The following DDX52 variants were observed in gnomAD, a reference collection of about 807,000 sequenced individuals.
DDX52 encodes the protein probable ATP-dependent RNA helicase DDX52.
In DDX52, 59 loss-of-function variants were observed where a neutral mutation model predicts 76.1. That is an observed-to-expected ratio of 0.78 (90% confidence interval 0.63 to 0.96). DDX52 has a LOEUF of 0.96. DDX52 is among the 40% of genes least tolerant of loss of function. The pLI, the probability that DDX52 is intolerant of heterozygous loss-of-function variation, is 0.00. For missense variants in DDX52, 707 were observed against 703.9 expected (o/e 1.00, Z -0.05); for synonymous variants, 231 against 244.1 (o/e 0.95, Z 0.50).
intron 2 of DDX52, among the ~76,000 whole-genome samples, chr17:37,635,292 A>G (rs2030874681): frequency 6.6e-6 from 1 of 152,196 alleles, no homozygotes; most frequent in South Asian, 2.1e-4. Context: ...GTTTTGACAT[A>G]TCTACACACC....
intron 2 of DDX52, among the ~76,000 whole-genome samples, chr17:37,639,025 G>A (rs1043768509): frequency 4.0e-5 from 6 of 151,874 alleles, no homozygotes; most frequent in Admixed American, 3.9e-4. Context: ...GCCCGCCTCC[G>A]CCTCCCAAAG....
chr17:37,618,346 C>T lies in DDX52; in HGVS notation c.1688G>A (p.Arg563Lys), dbSNP rs1466590281. ...TTTTGGAGTTGTACTAATGCTCTCCCTTTCCAATGGTTTCTTAATCATCTT... is the reference window on the plus strand; with the variant it reads ...TTTTGGAGTTGTACTAATGCTCTCCTTTTCCAATGGTTTCTTAATCATCTT... ...KKKMIKKPLE[R>K]ESISTTPKCF... The change falls in exon 14 of 15, where the codon AGG (arginine) becomes AAG (lysine). Residue 563 changes from arginine to lysine, a missense_variant. Arg to Lys is a conservative substitution (Grantham distance 26). Coordinates refer to ENST00000617633, the MANE Select transcript of DDX52 (RefSeq NM_007010.5). 6.3e-7 allele frequency: 1 copy of T among 1,593,198 alleles called. No individual in the cohort carries two copies. Among genetic ancestry groups the T allele is most frequent in the Admixed American group, 1.8e-5 (1 of 54,948 alleles).
intron 2 of DDX52, among the ~76,000 whole-genome samples, chr17:37,636,182 C>A (rs560319148): frequency 6.6e-6 from 1 of 152,102 alleles, no homozygotes; most frequent in Non-Finnish European, 1.5e-5. Flanking sequence ...TATCTCAAGG[C>A]CACAAAGATT....
intron 4 of DDX52, 75 bp downstream of exon 4, chr17:37,632,038 C>G: frequency 6.3e-7 from 1 of 1,595,466 alleles, no homozygotes; most frequent in Non-Finnish European, 8.6e-7. Flanking sequence ...AGAAAGAGTT[C>G]AAGAAGAGAG....
intron 2 of DDX52, among the ~76,000 whole-genome samples, chr17:37,636,815 G>GA (rs1383105797): frequency 6.6e-6 from 1 of 152,128 alleles, no homozygotes; most frequent in African/African-American, 2.4e-5. Flanking sequence ...AATTTATAAG[G>GA]AAAAAATTCA....
intron 12 of DDX52, 85 bp from the exon 13 acceptor site, chr17:37,619,924 G>A: frequency 7.6e-7 from 1 of 1,315,356 alleles, no homozygotes; most frequent in South Asian, 1.3e-5. Flanking sequence ...ACCTTACAGG[G>A]AACTAAAACT....
rs1378371178 is a variant in DDX52, at chr17:37,612,571, T to A, written c.*1725A>T. On this transcript the variant is annotated 3_prime_UTR_variant, in exon 15 of 15. Coordinates refer to ENST00000617633, the MANE Select transcript of DDX52 (RefSeq NM_007010.5). ...TCTAGGTTTGTGGAAGTAAACAACA[T>A]GATGTTTACACAATGACAATATCAC... The A allele has an allele frequency of 6.6e-6, 1 of 152,122 alleles. No homozygotes were observed. Among genetic ancestry groups the A allele is most frequent in the Admixed American group, 6.6e-5 (1 of 15,252 alleles). 9.4% of individuals were successfully genotyped at this position (152,122 alleles called of 1,614,324 possible).
chr17:37,618,438 G>T (rs1452756361), intron 13 of DDX52, 54 bp from the exon 14 acceptor site: 4 of 1,395,416 alleles, frequency 2.9e-6, no homozygotes, highest in South Asian at 2.6e-5. Context: ...TCAATTAGAA[G>T]AGTTAAAGCT....
At chr17:37,627,547 C>CT (rs1303308821) in intron 6 of DDX52, among the ~76,000 whole-genome samples, 1 of 151,976 alleles carries the variant, frequency 6.6e-6, no homozygotes, top group East Asian at 1.9e-4. Flanking sequence ...TACCCAGCCT[C>CT]TTCTCAATTT....
intron 14 of DDX52, among the ~76,000 whole-genome samples, chr17:37,617,622 G>T (rs2029877491): frequency 6.6e-6 from 1 of 152,192 alleles, no homozygotes; most frequent in African/African-American, 2.4e-5. Context: ...AGATCATATT[G>T]AAATCCTGCC....
intron 14 of DDX52, among the ~76,000 whole-genome samples, chr17:37,615,489 G>A (rs1462840714): frequency 6.6e-6 from 1 of 152,040 alleles, no homozygotes; most frequent in Non-Finnish European, 1.5e-5. Context: ...ACCAGCCTGG[G>A]CAATATGGCA....
chr17:37,636,270 A>G (rs1448815790), intron 2 of DDX52, among the ~76,000 whole-genome samples: 1 of 152,122 alleles, frequency 6.6e-6, no homozygotes, highest in Non-Finnish European at 1.5e-5. Context: ...TTTGCTTACA[A>G]TATAAAGTTA....
chr17:37,625,045 A>G (rs2030295702), intron 8 of DDX52, among the ~76,000 whole-genome samples: 1 of 151,960 alleles, frequency 6.6e-6, no homozygotes, highest in South Asian at 2.1e-4. Context: ...TCACTCTGTC[A>G]CCCAGGCTGG....
chr17:37,643,357 A>C lies in DDX52; in HGVS notation c.64T>G (p.Ser22Ala). 6.2e-7 allele frequency: 1 copy of C among 1,614,002 alleles called. No individual in the cohort carries two copies. Among genetic ancestry groups the C allele is most frequent in the Non-Finnish European group, 8.5e-7 (1 of 1,179,914 alleles). ...AGAKFDTRRF[S>A]ADAARFQIGK... ...ACCTGGAATCGAGCTGCGTCTGCCGAGAAGCGTCTCGTGTCGAATTTGGCC... is the reference window on the plus strand; with the variant it reads ...ACCTGGAATCGAGCTGCGTCTGCCGCGAAGCGTCTCGTGTCGAATTTGGCC... Residue 22 changes from serine to alanine, a missense_variant, in exon 1 of 15, where the codon TCG (serine) becomes GCG (alanine). By Grantham distance (99) the Ser-to-Ala change is moderately conservative. Transcript: ENST00000617633.
chr17:37,612,385 T>C lies in DDX52; in HGVS notation c.*1911A>G, dbSNP rs894241104. The C allele has an allele frequency of 8.6e-5, 13 of 152,038 alleles. No individual in the cohort carries two copies. The highest frequency in any genetic ancestry group is 3.1e-4 in the African/African-American group (13 of 41,384). The allele number at this position is 152,038 out of a possible 1,614,324, so 9.4% of individuals were successfully genotyped here. A position where few individuals can be genotyped will look rare whatever the true frequency, so the allele number is the denominator to read the frequency against. On this transcript the variant is annotated 3_prime_UTR_variant, in exon 15 of 15. Coordinates refer to ENST00000617633, the MANE Select transcript of DDX52 (RefSeq NM_007010.5). The stretch of plus-strand genomic sequence containing the variant: ...AGCCACTACGCCTGGCCAAGAAAAA[T>C]ATTTTCAATAAATTTAGTATAGGTT...
intron 2 of DDX52, among the ~76,000 whole-genome samples, chr17:37,638,571 T>A (rs1430907118): frequency 6.6e-6 from 1 of 152,166 alleles, no homozygotes; most frequent in Non-Finnish European, 1.5e-5. Flanking sequence ...CATATGGTAT[T>A]AAGACAATTA....
intron 13 of DDX52, 42 bp from the exon 14 acceptor site, chr17:37,618,426 C>A: frequency 6.8e-7 from 1 of 1,476,112 alleles, no homozygotes; most frequent in Non-Finnish European, 9.2e-7. Context: ...TTAAGTGCAA[C>A]TTCAATTAGA....
intron 7 of DDX52, 119 bp downstream of exon 7, chr17:37,626,669 A>G: frequency 3.2e-6 from 3 of 926,936 alleles, no homozygotes; most frequent in Admixed American, 2.3e-5. Context: ...CTCAGTGCCA[A>G]CACTGACTGA....
At chr17:37,622,969 G>A (rs1185497930) in intron 9 of DDX52, among the ~76,000 whole-genome samples, 2 of 152,218 alleles carry the variant, frequency 1.3e-5, no homozygotes, top group Non-Finnish European at 2.9e-5. Flanking sequence ...ATGTGGAAGA[G>A]AGGTTAAGTT....
Sources: gnomAD v4.1 joint callset for allele counts (sites outside exome capture counted in the v4.1 genomes callset) on GRCh38, gnomAD v4.1.1 for gene constraint, MANE v1.5 for transcripts, NCBI Gene and HGNC (gene_info 2026-07-23, HGNC 2026-07-21) for gene names.